L3MBTL4: variants seen among roughly 807,000 people sequenced by gnomAD.
The protein encoded by L3MBTL4 is lethal(3)malignant brain tumor-like protein 4.
In L3MBTL4, 70 loss-of-function variants were observed where a neutral mutation model predicts 84.5. That is an observed-to-expected ratio of 0.83 (90% confidence interval 0.68 to 1.01). The LOEUF (loss-of-function observed/expected upper bound fraction) is 1.01, where lower values mean the gene tolerates loss of function less well. L3MBTL4 is among the 50% of genes least tolerant of loss of function. The pLI, the probability that L3MBTL4 is intolerant of heterozygous loss-of-function variation, is 0.00. For missense variants in L3MBTL4, 715 were observed against 754.8 expected (o/e 0.95, Z 0.62); for synonymous variants, 274 against 259.8 (o/e 1.05, Z -0.52).
chr18:6,230,795 T>C (rs2046968271), intron 10 of L3MBTL4, among the ~76,000 whole-genome samples: 1 of 152,200 alleles, frequency 6.6e-6, no homozygotes, highest in African/African-American at 2.4e-5. Flanking sequence ...CTGACTGGTG[T>C]GAGATAGTCT....
At chr18:5,970,292 A>T (rs2052576033) in intron 16 of L3MBTL4, among the ~76,000 whole-genome samples, 1 of 152,226 alleles carries the variant, frequency 6.6e-6, no homozygotes, top group Non-Finnish European at 1.5e-5. Context: ...TATAAAGTAC[A>T]AAGGACAATG....
intron 15 of L3MBTL4, among the ~76,000 whole-genome samples, chr18:6,084,489 C>A (rs2143390208): frequency 6.6e-6 from 1 of 152,282 alleles, no homozygotes; most frequent in East Asian, 1.9e-4. Context: ...AGCTGCTCCC[C>A]AAACTGCCAC....
chr18:6,229,803 T>C (rs1203015907), intron 10 of L3MBTL4, among the ~76,000 whole-genome samples: 1 of 152,176 alleles, frequency 6.6e-6, no homozygotes, highest in African/African-American at 2.4e-5. Flanking sequence ...GGTGTATTTG[T>C]GAGCTCTCTA....
At position 6,366,520 on chromosome 18, in the gene L3MBTL4, C is replaced by T. The variant is rs117576576; in HGVS notation, c.-91+48281G>A. ...TGATATTATCTAGGAGTAGTTCTTTCAAAATGAAGGAAATAAGTTCATAAT... is the reference window on the plus strand; with the variant it reads ...TGATATTATCTAGGAGTAGTTCTTTTAAAATGAAGGAAATAAGTTCATAAT... On this transcript the variant is annotated intron_variant, in intron 1 of 18. Coordinates refer to ENST00000317931, the MANE Select transcript of L3MBTL4 (RefSeq NM_001330559.2). Among the ~76,000 whole-genome samples, 650 of 152,176 alleles carry T rather than the reference C, an allele frequency of 4.3e-3. 4 individuals carry two copies. The highest frequency in any genetic ancestry group is 9.2e-3 in the Admixed American group (141 of 15,280).
intron 14 of L3MBTL4, among the ~76,000 whole-genome samples, chr18:6,101,360 G>C (rs1191077348): frequency 3.3e-5 from 5 of 152,054 alleles, no homozygotes; most frequent in Non-Finnish European, 5.9e-5. Context: ...ATAATGTCCA[G>C]GTTTGCGTGG....
intron 16 of L3MBTL4, among the ~76,000 whole-genome samples, chr18:5,997,544 A>G (rs2145219065): frequency 6.6e-6 from 1 of 152,318 alleles, no homozygotes; most frequent in Admixed American, 6.5e-5. Context: ...GTGTATTTCA[A>G]GAAAAGCTAA....
intron 1 of L3MBTL4, among the ~76,000 whole-genome samples, chr18:6,324,339 AG>A (rs1288818438): frequency 6.6e-6 from 1 of 152,212 alleles, no homozygotes; most frequent in Non-Finnish European, 1.5e-5. Context: ...TATGAGAAGA[AG>A]GCCACTGCCC....
intron 1 of L3MBTL4, among the ~76,000 whole-genome samples, chr18:6,381,271 T>C (rs2054584747): frequency 6.6e-6 from 1 of 152,228 alleles, no homozygotes; most frequent in Non-Finnish European, 1.5e-5. Context: ...CTGATGGGTC[T>C]TGACTCTTTA....
intron 14 of L3MBTL4, among the ~76,000 whole-genome samples, chr18:6,102,394 T>A (rs1192960908): frequency 2.0e-5 from 3 of 152,204 alleles, no homozygotes; most frequent in Non-Finnish European, 4.4e-5. Flanking sequence ...ACTCAGGCCA[T>A]GTTTGTTCCT....
intron 14 of L3MBTL4, among the ~76,000 whole-genome samples, chr18:6,101,975 C>A (rs1281261311): frequency 6.6e-6 from 1 of 152,194 alleles, no homozygotes. Context: ...CCCATCTTCA[C>A]TCCCTATAAA....
intron 4 of L3MBTL4, among the ~76,000 whole-genome samples, chr18:6,294,387 TA>T (rs2049999888): frequency 6.6e-6 from 1 of 152,128 alleles, no homozygotes; most frequent in Admixed American, 6.5e-5. Context: ...GAGCGAGCAT[TA>T]AAATGCACCA....
intron 15 of L3MBTL4, among the ~76,000 whole-genome samples, chr18:6,083,618 G>A (rs1417794427): frequency 2.0e-5 from 3 of 152,176 alleles, no homozygotes; most frequent in South Asian, 2.1e-4. Context: ...CTCAATCTCT[G>A]TCTAAATCTC....
chr18:6,331,389 C>A (rs767981138), intron 1 of L3MBTL4, among the ~76,000 whole-genome samples: 1 of 152,110 alleles, frequency 6.6e-6, no homozygotes, highest in Non-Finnish European at 1.5e-5. Context: ...TTCCCCCTAC[C>A]CAGCAATGCA....
intron 13 of L3MBTL4, among the ~76,000 whole-genome samples, chr18:6,147,793 T>C: frequency 6.6e-6 from 1 of 152,228 alleles, no homozygotes; most frequent in Non-Finnish European, 1.5e-5. Flanking sequence ...CATGTGGTAC[T>C]GGCCTTTGCT....
chr18:6,095,850 C>A (rs771604029), intron 14 of L3MBTL4, among the ~76,000 whole-genome samples: 3 of 152,056 alleles, frequency 2.0e-5, no homozygotes, highest in Non-Finnish European at 4.4e-5. Context: ...AGAGCAAGAG[C>A]GATCTGGTTA....
intron 10 of L3MBTL4, among the ~76,000 whole-genome samples, chr18:6,223,639 T>C (rs1418609759): frequency 6.6e-6 from 1 of 152,230 alleles, no homozygotes; most frequent in African/African-American, 2.4e-5. Flanking sequence ...GCTTTTCCTC[T>C]TGGTAAGAAG....
chr18:6,265,257 T>G (rs1222583560), intron 4 of L3MBTL4, among the ~76,000 whole-genome samples: 11 of 152,258 alleles, frequency 7.2e-5, no homozygotes. Context: ...TTTCTTTTTC[T>G]GCTTTCCAAA....
chr18:6,013,384 T>C (rs2145412296), intron 16 of L3MBTL4, among the ~76,000 whole-genome samples: 1 of 152,366 alleles, frequency 6.6e-6, no homozygotes, highest in African/African-American at 2.4e-5. Context: ...ACACAGTCTT[T>C]GGCTGACTCA....
At chr18:6,253,276 G>T (rs1490560717) in intron 5 of L3MBTL4, among the ~76,000 whole-genome samples, 3 of 151,954 alleles carry the variant, frequency 2.0e-5, no homozygotes, top group African/African-American at 7.3e-5. Flanking sequence ...GAAGAACTAA[G>T]GCTCACAGTT....
Sources: gnomAD v4.1 joint callset for allele counts (sites outside exome capture counted in the v4.1 genomes callset) on GRCh38, gnomAD v4.1.1 for gene constraint, MANE v1.5 for transcripts, NCBI Gene and HGNC (gene_info 2026-07-23, HGNC 2026-07-21) for gene names.